EXT1: variants seen among roughly 807,000 people sequenced by gnomAD.
EXT1 encodes the protein exostosin-1.
Under a neutral mutation model 82.5 loss-of-function variants are expected in EXT1, and 20 were observed. That is an observed-to-expected ratio of 0.24 (90% CI 0.17 to 0.35). The LOEUF is 0.35. Ranked by LOEUF, EXT1 falls within the 10% of genes least tolerant of loss-of-function variation. The probability of loss-of-function intolerance (pLI) is 1.00; values close to 1 mark genes in which losing one functional copy is unlikely to be tolerated. For missense variants in EXT1, 757 were observed against 936.5 expected, an observed-to-expected ratio of 0.81 and a Z score of 2.50; for synonymous variants, 348 against 350.8, an observed-to-expected ratio of 0.99 and a Z score of 0.09.
chr8:117,841,208 A>T (rs1246252650), intron 1 of EXT1, among the ~76,000 whole-genome samples: 1 of 152,240 alleles, frequency 6.6e-6, no homozygotes, highest in Non-Finnish European at 1.5e-5. Flanking sequence ...ATTGTGGTAC[A>T]TCCATAGCCT....
chr8:118,106,799 G>C (rs190137282), intron 1 of EXT1, among the ~76,000 whole-genome samples: 3 of 152,118 alleles, frequency 2.0e-5, no homozygotes, highest in Non-Finnish European at 4.4e-5. Context: ...TCTCTAAAGC[G>C]TCACTACAAC....
At chr8:117,845,955 C>T (rs938790282) in intron 1 of EXT1, among the ~76,000 whole-genome samples, 2 of 152,128 alleles carry the variant, frequency 1.3e-5, no homozygotes, top group African/African-American at 4.8e-5. Flanking sequence ...ATGGGATCCA[C>T]GACCAGCTCT....
chr8:117,976,568 A>G (rs1175614033), intron 1 of EXT1, among the ~76,000 whole-genome samples: 1 of 152,240 alleles, frequency 6.6e-6, no homozygotes, highest in Non-Finnish European at 1.5e-5. Context: ...AAAACATGCA[A>G]AAGAAATTAC....
At chr8:117,901,845 C>T (rs1307946539) in intron 1 of EXT1, among the ~76,000 whole-genome samples, 1 of 151,906 alleles carries the variant, frequency 6.6e-6, no homozygotes, top group Non-Finnish European at 1.5e-5. Flanking sequence ...TACAGGTATG[C>T]ACCACCACAC....
intron 1 of EXT1, among the ~76,000 whole-genome samples, chr8:117,943,709 C>G (rs1033717987): frequency 6.6e-6 from 1 of 152,208 alleles, no homozygotes; most frequent in Non-Finnish European, 1.5e-5. Flanking sequence ...ATTGATATTA[C>G]ATGTGTAATA....
chr8:118,049,486 G>A (rs1453789025), intron 1 of EXT1, among the ~76,000 whole-genome samples: 1 of 152,124 alleles, frequency 6.6e-6, no homozygotes, highest in African/African-American at 2.4e-5. Flanking sequence ...ATAACACATG[G>A]AAAAGAGACA....
intron 1 of EXT1, among the ~76,000 whole-genome samples, chr8:117,900,942 C>T (rs1006201403): frequency 1.3e-5 from 2 of 152,344 alleles, no homozygotes; most frequent in Admixed American, 6.5e-5. Context: ...GAGCATTCTC[C>T]AATTCCTACC....
At chr8:117,872,935 A>G (rs1812899733) in intron 1 of EXT1, among the ~76,000 whole-genome samples, 1 of 152,170 alleles carries the variant, frequency 6.6e-6, no homozygotes, top group Non-Finnish European at 1.5e-5. Flanking sequence ...GTTAGGGAGA[A>G]GTTAAAGAGA....
At position 118,004,792 on chromosome 8, in the gene EXT1, G is replaced by A. The variant is rs17479991; in HGVS notation, c.962+105293C>T. Among the ~76,000 whole-genome samples the A allele has an allele frequency of 7.1e-3, 1,075 of 152,006 alleles. 33 individuals are homozygous for A. Among genetic ancestry groups the A allele is most frequent in the Admixed American group, 0.061 (927 of 15,262 alleles). On this transcript the variant is annotated intron_variant, in intron 1 of 10. Coordinates refer to ENST00000378204, the MANE Select transcript of EXT1 (RefSeq NM_000127.3). ...ATTCTCCATGTAATATGCAAACTGCGTTATTGGTCTCCAAATATGCTGATG... is the reference window on the plus strand; with the variant it reads ...ATTCTCCATGTAATATGCAAACTGCATTATTGGTCTCCAAATATGCTGATG...
chr8:117,838,338 T>C (rs1812219926), intron 1 of EXT1, among the ~76,000 whole-genome samples: 1 of 152,210 alleles, frequency 6.6e-6, no homozygotes, highest in Admixed American at 6.5e-5. Flanking sequence ...TTTGGGTATA[T>C]TGGTATATAC....
intron 1 of EXT1, among the ~76,000 whole-genome samples, chr8:118,107,549 G>A (rs1319741749): frequency 6.6e-6 from 1 of 152,112 alleles, no homozygotes; most frequent in Non-Finnish European, 1.5e-5. Context: ...ATCTTGACTT[G>A]AGGAGTTCTG....
chr8:118,071,782 G>A (rs1817099844), intron 1 of EXT1, among the ~76,000 whole-genome samples: 1 of 151,988 alleles, frequency 6.6e-6, no homozygotes, highest in Admixed American at 6.6e-5. Context: ...ATTTCAACAG[G>A]TCTCTTTAGG....
intron 1 of EXT1, among the ~76,000 whole-genome samples, chr8:118,079,166 G>A (rs773957675): frequency 5.3e-5 from 8 of 152,096 alleles, no homozygotes; most frequent in African/African-American, 9.7e-5. Context: ...AGTCAATTCT[G>A]CATAGGAAAA....
chr8:117,878,219 A>C (rs1428985455), intron 1 of EXT1, among the ~76,000 whole-genome samples: 1 of 152,196 alleles, frequency 6.6e-6, no homozygotes, highest in Non-Finnish European at 1.5e-5. Flanking sequence ...GGTTATAGTG[A>C]ATAGAGATCA....
intron 1 of EXT1, among the ~76,000 whole-genome samples, chr8:117,843,482 G>A (rs1396343357): frequency 6.6e-6 from 1 of 152,158 alleles, no homozygotes; most frequent in Non-Finnish European, 1.5e-5. Context: ...GGGGTAAGAG[G>A]AGGTGATGGG....
chr8:117,861,267 A>C (rs1812679202), intron 1 of EXT1, among the ~76,000 whole-genome samples: 2 of 152,220 alleles, frequency 1.3e-5, no homozygotes, highest in Admixed American at 1.3e-4. Flanking sequence ...TAGCTAATTC[A>C]TAATTTACAC....
In EXT1 at chr8:117,826,929, T is replaced by C. The variant is rs1042022888; in HGVS notation, c.1284+3301A>G. On this transcript the variant is annotated intron_variant, in intron 4 of 10. Transcript: ENST00000378204. ...TGATGAATGTAAGACATTCAACTGTTACAATAGAAAAATTGAGAACTGCTA... is the reference window on the plus strand; with the variant it reads ...TGATGAATGTAAGACATTCAACTGTCACAATAGAAAAATTGAGAACTGCTA... Among the ~76,000 whole-genome samples, 63 of 152,216 alleles carry C rather than the reference T, an allele frequency of 4.1e-4. 2 individuals are homozygous for C. Among genetic ancestry groups the C allele is most frequent in the Non-Finnish European group, 7.3e-5 (5 of 68,038 alleles).
intron 4 of EXT1, among the ~76,000 whole-genome samples, chr8:117,827,529 T>C (rs374648717): frequency 2.0e-5 from 3 of 151,868 alleles, no homozygotes; most frequent in African/African-American, 4.8e-5. Context: ...AAGAAATGTA[T>C]TGGGGCTGGG....
chr8:117,897,722 G>A (rs1813369019), intron 1 of EXT1, among the ~76,000 whole-genome samples: 1 of 149,328 alleles, frequency 6.7e-6, no homozygotes, highest in South Asian at 2.2e-4. Context: ...AGCCTTCCGA[G>A]TAGCTGGGAT....
Sources: allele counts gnomAD v4.1 joint callset (sites outside exome capture counted in the v4.1 genomes callset), GRCh38; gene constraint gnomAD v4.1.1; transcripts MANE v1.5; gene names NCBI Gene and HGNC (gene_info 2026-07-23, HGNC 2026-07-21).